Variants in CUX2 observed in about 807,000 individuals in gnomAD.
CUX2 encodes homeobox protein cut-like 2.
In CUX2, 40 loss-of-function variants were observed where a neutral mutation model predicts 144.8. The observed-to-expected ratio is 0.28, with a 90% confidence interval of 0.21 to 0.36. The LOEUF (loss-of-function observed/expected upper bound fraction) is 0.36, where lower values mean the gene tolerates loss of function less well. Ranked by LOEUF, CUX2 falls within the 10% of genes least tolerant of loss-of-function variation. The pLI is 1.00. For missense variants in CUX2, 1,615 were observed against 1,994.0 expected (o/e 0.81, Z 3.62); for synonymous variants, 827 against 875.6 (o/e 0.94, Z 0.98).
chr12:111,319,730 T>TCAAAACAAAA (rs112908044), intron 16 of CUX2, among the ~76,000 whole-genome samples: 1 of 152,154 alleles, frequency 6.6e-6, no homozygotes, highest in African/African-American at 2.4e-5. Flanking sequence ...AGACTCCATC[T>TCAAAACAAAA]CAAAACAAAA....
chr12:111,256,074 C>A (rs151207275), intron 3 of CUX2, among the ~76,000 whole-genome samples: 4 of 152,108 alleles, frequency 2.6e-5, no homozygotes, highest in African/African-American at 9.7e-5. Context: ...AGCCCCTCCC[C>A]CTCTGGTACA....
intron 1 of CUX2, among the ~76,000 whole-genome samples, chr12:111,072,914 T>C (rs1428201716): frequency 2.0e-5 from 3 of 152,246 alleles, no homozygotes; most frequent in Non-Finnish European, 4.4e-5. Flanking sequence ...CTACTCATTC[T>C]TTTGAAAAGT....
chr12:111,296,097 T>TG (rs1210728659), intron 7 of CUX2, among the ~76,000 whole-genome samples: 4 of 152,124 alleles, frequency 2.6e-5, no homozygotes, highest in Admixed American at 6.5e-5. Flanking sequence ...TCGGGATGGA[T>TG]GGCCCTGCCC....
At chr12:111,328,976 C>CTCTCTCTCTCCCCCCCCTCT (rs1887960160) in intron 18 of CUX2, among the ~76,000 whole-genome samples, 2 of 30,860 alleles carry the variant, frequency 6.5e-5, no homozygotes, top group African/African-American at 5.4e-4. Context: ...TCTCTCTCTC[C>CTCTCTCTCTCCCCCCCCTCT]CCCTCTCTCC....
chr12:111,082,118 A>G (rs1353219772), intron 1 of CUX2, among the ~76,000 whole-genome samples: 1 of 152,202 alleles, frequency 6.6e-6, no homozygotes, highest in Non-Finnish European at 1.5e-5. Context: ...TGCCGTTTTA[A>G]ATCAACCTTC....
chr12:111,297,435 A>G (rs370196053), intron 8 of CUX2, among the ~76,000 whole-genome samples: 20 of 152,278 alleles, frequency 1.3e-4, no homozygotes, highest in Non-Finnish European at 1.9e-4. Flanking sequence ...AAAGGCACAC[A>G]GCTGTCATTT....
At chr12:111,097,089 A>G (rs183044620) in intron 1 of CUX2, among the ~76,000 whole-genome samples, 2 of 152,344 alleles carry the variant, frequency 1.3e-5, no homozygotes, top group African/African-American at 4.8e-5. Flanking sequence ...AGCCTTGCCA[A>G]CACATCGGAC....
intron 3 of CUX2, among the ~76,000 whole-genome samples, chr12:111,262,378 TC>T (rs1486019648): frequency 1.0e-5 from 1 of 96,482 alleles, no homozygotes; most frequent in Non-Finnish European, 2.3e-5. Context: ...TTGTAATGGA[TC>T]TTTTTTTTTT....
At chr12:111,135,074 G>A (rs141205679) in intron 1 of CUX2, among the ~76,000 whole-genome samples, 3 of 152,176 alleles carry the variant, frequency 2.0e-5, no homozygotes, top group African/African-American at 7.2e-5. Context: ...CCTGCTGTGT[G>A]CCAGGCCCTG....
At chr12:111,080,716 T>C (rs1871839097) in intron 1 of CUX2, among the ~76,000 whole-genome samples, 1 of 152,160 alleles carries the variant, frequency 6.6e-6, no homozygotes, top group Non-Finnish European at 1.5e-5. Context: ...GATTTTTGTG[T>C]GTTTTGCTTA....
At chr12:111,126,907 C>G (rs1875121029) in intron 1 of CUX2, among the ~76,000 whole-genome samples, 1 of 152,126 alleles carries the variant, frequency 6.6e-6, no homozygotes, top group Non-Finnish European at 1.5e-5. Context: ...TGTGTACAAC[C>G]AAAAATGCAC....
chr12:111,195,788 A>C (rs182024022), intron 1 of CUX2, among the ~76,000 whole-genome samples: 1 of 152,350 alleles, frequency 6.6e-6, no homozygotes, highest in Non-Finnish European at 1.5e-5. Flanking sequence ...CACAAGCCTT[A>C]TGAATATGAG....
intron 9 of CUX2, among the ~76,000 whole-genome samples, chr12:111,299,596 G>A (rs1424555447): frequency 2.0e-5 from 3 of 152,228 alleles, no homozygotes; most frequent in Admixed American, 6.5e-5. Context: ...GGTTACCGTG[G>A]TGGTGGTAAC....
Position 111,293,727 on chromosome 12 carries a change from G to T in CUX2, c.560+158G>T, listed in dbSNP as rs1229839992. 6.6e-6 allele frequency among the ~76,000 whole-genome samples: 1 copy of T among 152,202 alleles called. No individual in the cohort carries two copies. The highest frequency in any genetic ancestry group is 2.4e-5 in the African/African-American group (1 of 41,460). ...GCCGAGGGCTTTGGACTCCAACCGG[G>T]TCTGGGTTCAAGTTCCACTGCAGGA... On this transcript the variant is annotated intron_variant, in intron 6 of 21. Transcript: ENST00000261726. This position sits in a 1 kb window ranked among gnomAD's most constrained non-coding sequence, Gnocchi z 4.5.
At chr12:111,311,231 C>A (rs1439377441) in intron 15 of CUX2, among the ~76,000 whole-genome samples, 1 of 152,168 alleles carries the variant, frequency 6.6e-6, no homozygotes, top group East Asian at 1.9e-4. Flanking sequence ...CAGCACCTGG[C>A]ATGCAGTGCT....
At chr12:111,164,290 CAG>C (rs1877977201) in intron 1 of CUX2, among the ~76,000 whole-genome samples, 1 of 152,042 alleles carries the variant, frequency 6.6e-6, no homozygotes, top group African/African-American at 2.4e-5. Context: ...GGAGTTAGAA[CAG>C]GGGCGGGACA....
At chr12:111,176,392 G>T (rs571878730) in intron 1 of CUX2, among the ~76,000 whole-genome samples, 2 of 152,014 alleles carry the variant, frequency 1.3e-5, no homozygotes, top group Non-Finnish European at 2.9e-5. Context: ...GGAGACTCAG[G>T]CTCCAGTCCT....
intron 1 of CUX2, among the ~76,000 whole-genome samples, chr12:111,187,251 G>T (rs889657585): frequency 6.6e-6 from 1 of 152,146 alleles, no homozygotes; most frequent in African/African-American, 2.4e-5. Context: ...GTTCAGTGAC[G>T]CCGGCATCAG....
chr12:111,170,030 G>T (rs1878418850), intron 1 of CUX2, among the ~76,000 whole-genome samples: 1 of 152,196 alleles, frequency 6.6e-6, no homozygotes, highest in African/African-American at 2.4e-5. Flanking sequence ...GTACTAGGGG[G>T]AAGAATTTAA....
Sources: gnomAD v4.1 joint callset for allele counts (sites outside exome capture counted in the v4.1 genomes callset) on GRCh38, gnomAD v4.1.1 for gene constraint, Gnocchi (gnomAD v3.1) non-coding constraint, MANE v1.5 for transcripts, NCBI Gene and HGNC (gene_info 2026-07-23, HGNC 2026-07-21) for gene names.